The following SEMA3C variants were observed in gnomAD, a reference collection of about 807,000 sequenced individuals.
SEMA3C encodes the protein semaphorin-3C.
SEMA3C carries 47 observed loss-of-function variants against 89.4 expected under a neutral mutation model. The observed-to-expected ratio is 0.53, with a 90% CI of 0.42 to 0.67. The LOEUF is 0.67. Ranked by LOEUF, SEMA3C falls within the 30% of genes least tolerant of loss-of-function variation. The pLI, the probability that SEMA3C is intolerant of heterozygous loss-of-function variation, is 0.00. For missense variants in SEMA3C, 839 were observed against 929.1 expected (o/e 0.90, Z 1.26); for synonymous variants, 310 against 320.2 (o/e 0.97, Z 0.34).
intron 15 of SEMA3C, among the ~76,000 whole-genome samples, chr7:80,754,966 T>TTTGTTTTTTTTGTTTTTTTTG (rs369121267): frequency 0.095 from 13,194 of 138,670 alleles, 1,002 homozygotes; most frequent in East Asian, 0.18. Flanking sequence ...TGTTTTTTTT[T>TTTGTTTTTTTTGTTTTTTTTG]TTTTTGTATT....
intron 5 of SEMA3C, among the ~76,000 whole-genome samples, chr7:80,812,301 C>T (rs920966519): frequency 6.6e-6 from 1 of 152,158 alleles, no homozygotes; most frequent in Non-Finnish European, 1.5e-5. Flanking sequence ...AATGAAGTCA[C>T]TCTACAGGTG....
At chr7:80,890,216 A>C (rs1234304938) in intron 2 of SEMA3C, among the ~76,000 whole-genome samples, 3 of 152,260 alleles carry the variant, frequency 2.0e-5, no homozygotes, top group African/African-American at 7.2e-5. Flanking sequence ...AATCAAGGAC[A>C]AGAAAAAAAG....
At chr7:80,922,148 A>C (rs1228712111), upstream of SEMA3C, 4 of 679,860 alleles carry the variant, frequency 5.9e-6, no homozygotes, top group East Asian at 7.0e-5. Flanking sequence ...CAATGAGAGA[A>C]CGTTGAAGGT....
intron 15 of SEMA3C, among the ~76,000 whole-genome samples, chr7:80,753,128 T>G (rs1170466915): frequency 6.6e-6 from 1 of 152,130 alleles, no homozygotes; most frequent in Admixed American, 6.5e-5. Context: ...TTGTACCACC[T>G]AAGTATTCCT....
chr7:80,865,126 A>G (rs1790895689), intron 2 of SEMA3C, among the ~76,000 whole-genome samples: 1 of 152,172 alleles, frequency 6.6e-6, no homozygotes, highest in Non-Finnish European at 1.5e-5. Flanking sequence ...GAGTTTCTTT[A>G]AATCCTCCTT....
chr7:80,743,797 A>G lies in SEMA3C; in HGVS notation c.*1097T>C, dbSNP rs1188883314. 5.9e-5 allele frequency: 9 copies of G among 151,978 alleles called. No homozygotes were observed. In the East Asian group the frequency reaches 1.5e-3, roughly 26 times the overall value. The allele number at this position is 151,978 out of a possible 1,614,324, so 9.4% of individuals were successfully genotyped here. A position where few individuals can be genotyped will look rare whatever the true frequency, so the allele number is the denominator to read the frequency against. On this transcript the variant is annotated 3_prime_UTR_variant, in exon 18 of 18. Transcript: ENST00000265361. Reference sequence around the variant, plus strand: ...TCCTCATATTGTTTTCTTACTTTCTAGACATAACAAGCACCTTGCCATCAC... The same window carrying G: ...TCCTCATATTGTTTTCTTACTTTCTGGACATAACAAGCACCTTGCCATCAC...
chr7:80,819,804 C>A (rs1469960011), intron 4 of SEMA3C, among the ~76,000 whole-genome samples: 1 of 152,108 alleles, frequency 6.6e-6, no homozygotes, highest in Non-Finnish European at 1.5e-5. Flanking sequence ...TCTCTGTGAC[C>A]AAATTAACCA....
At chr7:80,919,867 G>A (rs1792376325), upstream of SEMA3C, among the ~76,000 whole-genome samples, 2 of 152,196 alleles carry the variant, frequency 1.3e-5, no homozygotes, top group Admixed American at 1.3e-4. Flanking sequence ...GGCCTCTGTT[G>A]CGTGTTTTCT....
intron 4 of SEMA3C, among the ~76,000 whole-genome samples, chr7:80,819,073 T>G (rs1055323897): frequency 6.6e-6 from 1 of 152,248 alleles, no homozygotes; most frequent in Non-Finnish European, 1.5e-5. Context: ...GCTTTTTCTA[T>G]TTCTGTTTTA....
intron 2 of SEMA3C, among the ~76,000 whole-genome samples, chr7:80,830,454 T>G (rs567368734): frequency 6.6e-6 from 1 of 152,318 alleles, no homozygotes; most frequent in East Asian, 1.9e-4. Flanking sequence ...AATAGATGTA[T>G]GTTTTCCTAC....
chr7:80,775,622 G>A (rs1187947761), intron 12 of SEMA3C, among the ~76,000 whole-genome samples: 1 of 151,940 alleles, frequency 6.6e-6, no homozygotes, highest in African/African-American at 2.4e-5. Context: ...AATCTGTCCT[G>A]ACTTGAACTA....
upstream of SEMA3C, among the ~76,000 whole-genome samples, chr7:80,920,812 T>C (rs1792394794): frequency 6.6e-6 from 1 of 152,222 alleles, no homozygotes; most frequent in South Asian, 2.1e-4. Flanking sequence ...GCACTGTGCG[T>C]GCTTCTCTGA....
At position 80,826,043 on chromosome 7, in the gene SEMA3C, T is replaced by A. The variant is rs1789865335; in HGVS notation, c.327+1382A>T. ...CCCACTTTTAAATTTTTTTATTGGA[T>A]AAATCACTCCAAGAACCCTCTAGCA... On this transcript the variant is annotated intron_variant, in intron 4 of 17. Transcript: ENST00000265361. 2.0e-5 allele frequency among the ~76,000 whole-genome samples: 3 copies of A among 152,224 alleles called. No homozygotes were observed. In the South Asian group the frequency reaches 6.2e-4, roughly 32 times the overall value.
chr7:80,823,153 G>T (rs1350881528), intron 4 of SEMA3C, among the ~76,000 whole-genome samples: 20 of 152,138 alleles, frequency 1.3e-4, no homozygotes, highest in Non-Finnish European at 2.9e-4. Context: ...ATTGTTAAGA[G>T]TGATTATGTT....
intron 12 of SEMA3C, among the ~76,000 whole-genome samples, chr7:80,776,200 C>A (rs930660523): frequency 2.0e-5 from 3 of 151,656 alleles, no homozygotes; most frequent in Admixed American, 6.6e-5. Context: ...TATTAATAGC[C>A]CTCAGGAGTA....
chr7:80,827,828 C>T (rs2115812074), intron 3 of SEMA3C, among the ~76,000 whole-genome samples: 1 of 151,874 alleles, frequency 6.6e-6, no homozygotes, highest in African/African-American at 2.4e-5. Context: ...GCTTATATGA[C>T]AATAAATCTA....
intron 14 of SEMA3C, among the ~76,000 whole-genome samples, chr7:80,759,901 T>C (rs989091875): frequency 3.9e-5 from 6 of 152,326 alleles, no homozygotes; most frequent in African/African-American, 1.4e-4. Context: ...AGCAAATTTA[T>C]CAGCTTCATT....
intron 2 of SEMA3C, among the ~76,000 whole-genome samples, chr7:80,875,901 A>C (rs938541806): frequency 5.9e-5 from 9 of 152,104 alleles, no homozygotes; most frequent in African/African-American, 2.2e-4. Context: ...GCTAAGACCT[A>C]CAGTAAGAAC....
chr7:80,754,964 T>TTTTTTGTTTTTTTTGTTTTTTG (rs1554359506), intron 15 of SEMA3C, among the ~76,000 whole-genome samples: 14 of 129,192 alleles, frequency 1.1e-4, no homozygotes, highest in African/African-American at 3.3e-4. Context: ...TTTGTTTTTT[T>TTTTTTGTTTTTTTTGTTTTTTG]TTTTTTTGTA....
Sources: allele counts gnomAD v4.1 joint callset (sites outside exome capture counted in the v4.1 genomes callset), GRCh38; gene constraint gnomAD v4.1.1; transcripts MANE v1.5; gene names NCBI Gene and HGNC (gene_info 2026-07-23, HGNC 2026-07-21).